Variants in FBN1 observed in about 807,000 individuals in gnomAD.
The protein encoded by FBN1 is fibrillin-1.
A neutral mutation model predicts 365.1 loss-of-function variants in FBN1; 29 were observed. The observed-to-expected ratio is 0.08, with a 90% CI of 0.06 to 0.11. The LOEUF (loss-of-function observed/expected upper bound fraction) is 0.11. FBN1 is among the 10% of genes least tolerant of loss of function. The pLI is 1.00. For synonymous variants in FBN1, 1,210 were observed against 1,270.5 expected, an observed-to-expected ratio of 0.95 and a Z score of 1.01; for missense variants, 2,476 against 3,703.2, an observed-to-expected ratio of 0.67 and a Z score of 8.60.
At chr15:48,512,850 G>T (rs1232433555) in intron 13 of FBN1, among the ~76,000 whole-genome samples, 1 of 151,916 alleles carries the variant, frequency 6.6e-6, no homozygotes, top group African/African-American at 2.4e-5. Context: ...AGATGTTTGG[G>T]CTCCCTGACA....
chr15:48,616,471 GA>G (rs201880014), intron 2 of FBN1, among the ~76,000 whole-genome samples: 1 of 151,322 alleles, frequency 6.6e-6, no homozygotes, highest in Admixed American at 6.6e-5. Flanking sequence ...CTTATACACA[GA>G]AAAAAAACAG....
At chr15:48,581,761 A>AATATTATTAT (rs1319271269) in intron 6 of FBN1, among the ~76,000 whole-genome samples, 2 of 152,216 alleles carry the variant, frequency 1.3e-5, no homozygotes, top group Non-Finnish European at 2.9e-5. Context: ...AAATTAAAAG[A>AATATTATTAT]TAGTTAATAA....
chr15:48,533,915 T>C (rs1479117234), intron 8 of FBN1, among the ~76,000 whole-genome samples, 165 bp downstream of exon 8: 3 of 152,214 alleles, frequency 2.0e-5, no homozygotes, highest in Non-Finnish European at 2.9e-5. Context: ...TCTGGTCCAA[T>C]AGCACAAAGG....
intron 6 of FBN1, among the ~76,000 whole-genome samples, chr15:48,581,681 A>C (rs2044393095): frequency 6.6e-6 from 1 of 152,248 alleles, no homozygotes; most frequent in African/African-American, 2.4e-5. Flanking sequence ...CAGAAATAGC[A>C]AAGTGTCAGC....
intron 6 of FBN1, among the ~76,000 whole-genome samples, chr15:48,547,139 T>C (rs920642442): frequency 1.3e-5 from 2 of 152,090 alleles, no homozygotes; most frequent in Admixed American, 1.3e-4. Context: ...ACTTGTGTGT[T>C]TTTGCTTTTT....
rs2043270593 is a variant in FBN1 at position 48,460,231 on chromosome 15, G to T, written c.5296+15C>A. The T allele has an allele frequency of 6.2e-7, 1 of 1,605,126 alleles. No individual in the cohort carries two copies. Among genetic ancestry groups the T allele is most frequent in the Non-Finnish European group, 8.5e-7 (1 of 1,171,916 alleles). Reference sequence around the variant, plus strand: ...CAAAAAACCAGAAAGTTCTGACAATGCCGTCATGACTCACCAACGGGTAAA... The same window carrying T: ...CAAAAAACCAGAAAGTTCTGACAATTCCGTCATGACTCACCAACGGGTAAA... On this transcript the variant is annotated intron_variant, in intron 43 of 65. Coordinates refer to ENST00000316623, the MANE Select transcript of FBN1 (RefSeq NM_000138.5).
intron 6 of FBN1, among the ~76,000 whole-genome samples, chr15:48,555,629 G>A (rs2044173601): frequency 6.6e-6 from 1 of 152,162 alleles, no homozygotes; most frequent in Non-Finnish European, 1.5e-5. Flanking sequence ...CCAAATGGTA[G>A]GTTCCTTAGG....
At chr15:48,461,556 CACAT>C (rs959235922) in intron 42 of FBN1, among the ~76,000 whole-genome samples, 1 of 151,724 alleles carries the variant, frequency 6.6e-6, no homozygotes, top group African/African-American at 2.4e-5. Flanking sequence ...AATACATATA[CACAT>C]ACATAGATAT....
intron 6 of FBN1, among the ~76,000 whole-genome samples, chr15:48,579,297 T>C (rs1293184709): frequency 1.3e-5 from 2 of 152,200 alleles, no homozygotes; most frequent in African/African-American, 2.4e-5. Flanking sequence ...AAATAAATTC[T>C]TAAAAATTCC....
rs2043803298 is a variant in FBN1, at chr15:48,516,428, A to T, written c.1148-66T>A. On this transcript the variant is annotated intron_variant, in intron 10 of 65. Coordinates refer to ENST00000316623, the MANE Select transcript of FBN1 (RefSeq NM_000138.5). ...TAGCTTATGATCATAGGCCCACAGA[A>T]GTCATCCTTATTTTTTTAAAGATAT... The T allele has an allele frequency of 3.4e-6, 5 of 1,472,880 alleles. No individual in the cohort carries two copies. In the Admixed American group the frequency reaches 5.1e-5, roughly 15 times the overall value. The allele number at this position is 1,472,880 out of a possible 1,614,324, so 91.2% of individuals were successfully genotyped here. A position where few individuals can be genotyped will look rare whatever the true frequency, so the allele number is the denominator to read the frequency against.
intron 47 of FBN1, 34 bp from the exon 48 acceptor site, chr15:48,445,538 T>C: frequency 6.2e-7 from 1 of 1,606,402 alleles, no homozygotes; most frequent in South Asian, 1.1e-5. Flanking sequence ...CTTTAATATA[T>C]TCCAAAGATG....
intron 23 of FBN1, among the ~76,000 whole-genome samples, chr15:48,493,129 G>T (rs1013355346): frequency 6.6e-6 from 1 of 152,090 alleles, no homozygotes; most frequent in South Asian, 2.1e-4. Flanking sequence ...CCATGCTTTG[G>T]TCTCAGCTTG....
chr15:48,522,415 T>TC (rs1382168250), intron 9 of FBN1, among the ~76,000 whole-genome samples: 1 of 152,092 alleles, frequency 6.6e-6, no homozygotes, highest in Non-Finnish European at 1.5e-5. Context: ...CATCCTCTTC[T>TC]CCCAGTCCAT....
At chr15:48,569,762 A>C (rs574013628) in intron 6 of FBN1, among the ~76,000 whole-genome samples, 45 of 152,290 alleles carry the variant, frequency 3.0e-4, no homozygotes, top group Middle Eastern at 3.4e-3. Flanking sequence ...TAGAGACAGA[A>C]AGTGTATTAG....
chr15:48,483,426 T>C (rs1239472226), intron 31 of FBN1, among the ~76,000 whole-genome samples: 1 of 152,194 alleles, frequency 6.6e-6, no homozygotes, highest in Non-Finnish European at 1.5e-5. Context: ...CAATAGAAAC[T>C]ATACAAAACA....
At chr15:48,448,638 C>T (rs2043177057) in intron 46 of FBN1, 130 bp downstream of exon 46, 1 of 795,164 alleles carries the variant, frequency 1.3e-6, no homozygotes, top group East Asian at 2.8e-5. Context: ...TGCTGCATAT[C>T]TGTCTGTGTT....
chr15:48,437,658 T>G, intron 51 of FBN1, 110 bp downstream of exon 51: 5 of 1,168,832 alleles, frequency 4.3e-6, no homozygotes, highest in Non-Finnish European at 6.2e-6. Flanking sequence ...CTAATTAGAC[T>G]TACAATTAAA....
chr15:48,446,014 T>A (rs543372807), intron 47 of FBN1, among the ~76,000 whole-genome samples: 1 of 152,244 alleles, frequency 6.6e-6, no homozygotes, highest in East Asian at 1.9e-4. Context: ...GACCAGAAGG[T>A]TCATAGTCCT....
chr15:48,624,307 G>A (rs1396441844), intron 2 of FBN1, among the ~76,000 whole-genome samples: 1 of 152,170 alleles, frequency 6.6e-6, no homozygotes, highest in Non-Finnish European at 1.5e-5. Flanking sequence ...AAGTCTGCTT[G>A]TCTGCTTAGA....
Sources: allele counts gnomAD v4.1 joint callset (sites outside exome capture counted in the v4.1 genomes callset), GRCh38; gene constraint gnomAD v4.1.1; transcripts MANE v1.5; gene names NCBI Gene and HGNC (gene_info 2026-07-23, HGNC 2026-07-21).